Variants in AGBL1 observed in about 807,000 individuals in gnomAD.
AGBL1 encodes the protein cytosolic carboxypeptidase 4.
AGBL1 carries 130 observed loss-of-function variants against 118.9 expected under a neutral mutation model. The ratio of observed to expected loss-of-function variants is 1.09; its 90% CI spans 0.95 to 1.26. The LOEUF is 1.26. Ranked by LOEUF, AGBL1 falls within the 50% of genes most tolerant of loss-of-function variation. The pLI, the probability that AGBL1 is intolerant of heterozygous loss-of-function variation, is 0.00. For missense variants in AGBL1, 1,584 were observed against 1,298.1 expected (o/e 1.22, Z -3.38); for synonymous variants, 555 against 478.9 (o/e 1.16, Z -2.08).
chr15:86,873,917 T>C (rs1438436116), intron 22 of AGBL1, among the ~76,000 whole-genome samples: 1 of 152,200 alleles, frequency 6.6e-6, no homozygotes, highest in African/African-American at 2.4e-5. Flanking sequence ...CAGTAGTAGT[T>C]ATAATAGAAA....
chr15:86,098,672 G>T (rs1226117106), intron 1 of AGBL1, among the ~76,000 whole-genome samples: 2 of 152,088 alleles, frequency 1.3e-5, no homozygotes, highest in Non-Finnish European at 2.9e-5. Flanking sequence ...ACTGGTCTAT[G>T]TATCTGTTTT....
chr15:86,454,337 T>C (rs560861643), intron 18 of AGBL1, among the ~76,000 whole-genome samples: 27 of 152,322 alleles, frequency 1.8e-4, no homozygotes, highest in Admixed American at 5.2e-4. Context: ...GGTGAACTCA[T>C]ATACAGCCAC....
At chr15:86,841,868 G>A (rs1178947415) in intron 22 of AGBL1, among the ~76,000 whole-genome samples, 5 of 151,830 alleles carry the variant, frequency 3.3e-5, no homozygotes, top group African/African-American at 1.2e-4. Context: ...AATAAAAATA[G>A]AGTCAGACAA....
chr15:86,111,841 G>T (rs1897403930), intron 1 of AGBL1, among the ~76,000 whole-genome samples: 1 of 152,162 alleles, frequency 6.6e-6, no homozygotes, highest in Non-Finnish European at 1.5e-5. Context: ...AGTAAGCAAA[G>T]CTTCATCTGT....
At chr15:86,281,297 C>T (rs572184988) in intron 16 of AGBL1, among the ~76,000 whole-genome samples, 13 of 152,238 alleles carry the variant, frequency 8.5e-5, no homozygotes, top group African/African-American at 3.1e-4. Context: ...GTTGGAGGAT[C>T]ACTTGGGCTC....
chr15:86,763,640 T>G (rs1377740005), intron 22 of AGBL1, among the ~76,000 whole-genome samples: 1 of 151,962 alleles, frequency 6.6e-6, no homozygotes, highest in Admixed American at 6.6e-5. Context: ...CTCTCACCTT[T>G]ATTGGCCAAG....
At chr15:86,718,676 T>C (rs1213692677) in intron 22 of AGBL1, among the ~76,000 whole-genome samples, 1 of 152,016 alleles carries the variant, frequency 6.6e-6, no homozygotes, top group Non-Finnish European at 1.5e-5. Flanking sequence ...TAGTTGGAGT[T>C]ATGAAGGGAA....
At chr15:86,495,354 G>T (rs2082835453) in intron 18 of AGBL1, among the ~76,000 whole-genome samples, 1 of 146,494 alleles carries the variant, frequency 6.8e-6, no homozygotes, top group Admixed American at 6.9e-5. Flanking sequence ...TGATCTATCA[G>T]TTTCTGTGAA....
At chr15:86,338,754 G>T (rs757650875) in intron 17 of AGBL1, among the ~76,000 whole-genome samples, 1 of 152,126 alleles carries the variant, frequency 6.6e-6, no homozygotes, top group Non-Finnish European at 1.5e-5. Context: ...CAGGAAAACC[G>T]GTGTAGAGAC....
intron 21 of AGBL1, among the ~76,000 whole-genome samples, chr15:86,655,218 C>G (rs541311770): frequency 6.6e-6 from 1 of 152,162 alleles, no homozygotes; most frequent in Non-Finnish European, 1.5e-5. Flanking sequence ...GGCATTCAAA[C>G]AGACCTTCCT....
At chr15:86,205,873 C>T (rs1055502246) in intron 5 of AGBL1, among the ~76,000 whole-genome samples, 1 of 152,144 alleles carries the variant, frequency 6.6e-6, no homozygotes, top group African/African-American at 2.4e-5. Flanking sequence ...TACATGGGCA[C>T]AACGTGTGGC....
intron 18 of AGBL1, among the ~76,000 whole-genome samples, chr15:86,444,102 C>T (rs1651827410): frequency 6.6e-6 from 1 of 152,172 alleles, no homozygotes; most frequent in South Asian, 2.1e-4. Context: ...TTCTCCACAA[C>T]CTTGCCAGCA....
chr15:86,814,982 T>G (rs1297358176), intron 22 of AGBL1, among the ~76,000 whole-genome samples: 1 of 152,222 alleles, frequency 6.6e-6, no homozygotes, highest in African/African-American at 2.4e-5. Flanking sequence ...TAGTTTCTTG[T>G]GTCCCTGTGT....
chr15:86,149,382 C>G (rs899977041), intron 3 of AGBL1, among the ~76,000 whole-genome samples: 3 of 152,094 alleles, frequency 2.0e-5, no homozygotes, highest in South Asian at 2.1e-4. Flanking sequence ...TCAGGAGACC[C>G]ATCTCACATG....
At chr15:86,128,094 C>T (rs1050379490) in intron 1 of AGBL1, among the ~76,000 whole-genome samples, 10 of 152,096 alleles carry the variant, frequency 6.6e-5, no homozygotes. Flanking sequence ...ACCAATTAGT[C>T]TCATGTTGTA....
chr15:86,877,166 C>T (rs1220150582), intron 22 of AGBL1, among the ~76,000 whole-genome samples: 2 of 152,086 alleles, frequency 1.3e-5, no homozygotes, highest in African/African-American at 4.8e-5. Context: ...CCAATCCCTG[C>T]CCACTCTTCC....
intron 23 of AGBL1, among the ~76,000 whole-genome samples, chr15:86,951,384 G>A (rs988150148): frequency 1.3e-5 from 2 of 152,164 alleles, no homozygotes; most frequent in African/African-American, 4.8e-5. Flanking sequence ...ATATAAGAAT[G>A]CTCACGACTG....
intron 17 of AGBL1, among the ~76,000 whole-genome samples, chr15:86,325,937 A>T (rs892282964): frequency 2.0e-5 from 3 of 152,160 alleles, no homozygotes; most frequent in Non-Finnish European, 4.4e-5. Flanking sequence ...TCTTCAGAAA[A>T]TTCCAAGCCT....
At chr15:86,349,729 T>C (rs2080596072) in intron 17 of AGBL1, among the ~76,000 whole-genome samples, 1 of 152,202 alleles carries the variant, frequency 6.6e-6, no homozygotes. Context: ...AAGTTGTGAT[T>C]GATGTTCCTT....
Sources: gnomAD v4.1 joint callset for allele counts (sites outside exome capture counted in the v4.1 genomes callset) on GRCh38, gnomAD v4.1.1 for gene constraint, MANE v1.5 for transcripts, NCBI Gene and HGNC (gene_info 2026-07-23, HGNC 2026-07-21) for gene names.